The following KDM3B variants were observed in gnomAD, a reference collection of about 807,000 sequenced individuals.
KDM3B encodes lysine demethylase 3B, also known as lysine-specific demethylase 3B.
A neutral mutation model predicts 170.0 loss-of-function variants in KDM3B; 10 were observed. The observed-to-expected ratio is 0.06, with a 90% CI of 0.04 to 0.10. KDM3B has a LOEUF of 0.10. KDM3B is among the 10% of genes least tolerant of loss of function. The pLI is 1.00. For synonymous variants in KDM3B, 831 were observed against 834.8 expected (o/e 1.00, Z 0.08); for missense variants, 1,394 against 2,195.2 (o/e 0.64, Z 7.29).
At chr5:138,426,158 A>T (rs1226267365) in intron 17 of KDM3B, among the ~76,000 whole-genome samples, 1 of 152,100 alleles carries the variant, frequency 6.6e-6, no homozygotes, top group Non-Finnish European at 1.5e-5. Context: ...GAGCACTTTC[A>T]CTCTGAGGAA....
chr5:138,376,834 G>A (rs1762012029), intron 3 of KDM3B, among the ~76,000 whole-genome samples: 1 of 152,092 alleles, frequency 6.6e-6, no homozygotes, highest in African/African-American at 2.4e-5. Context: ...GCAGCATGAA[G>A]TATCATAGTT....
intron 14 of KDM3B, among the ~76,000 whole-genome samples, chr5:138,420,289 T>TG (rs1329668089): frequency 3.9e-5 from 6 of 152,192 alleles, no homozygotes; most frequent in Admixed American, 3.9e-4. Context: ...AAGAATCATC[T>TG]GGGGAATGGT....
intron 11 of KDM3B, among the ~76,000 whole-genome samples, chr5:138,410,139 C>T (rs575174522): frequency 3.3e-5 from 5 of 152,184 alleles, no homozygotes; most frequent in South Asian, 4.1e-4. Context: ...AATACTAAGA[C>T]GTCACTTCTT....
intron 14 of KDM3B, among the ~76,000 whole-genome samples, chr5:138,420,349 CT>C (rs1253019149): frequency 6.6e-6 from 1 of 152,206 alleles, no homozygotes; most frequent in Non-Finnish European, 1.5e-5. Context: ...ATCAGAATCT[CT>C]GGGGGTAAAG....
intron 11 of KDM3B, among the ~76,000 whole-genome samples, chr5:138,401,993 A>G (rs191190130): frequency 6.6e-6 from 1 of 151,922 alleles, no homozygotes; most frequent in African/African-American, 2.4e-5. Flanking sequence ...CAGTGGCATC[A>G]TCATGGCTCA....
chr5:138,365,042 C>G (rs1199992307), intron 1 of KDM3B, among the ~76,000 whole-genome samples: 2 of 152,204 alleles, frequency 1.3e-5, no homozygotes, highest in Non-Finnish European at 2.9e-5. Flanking sequence ...TCAACTCATG[C>G]ATCTTCGCCC....
chr5:138,357,821 C>A (rs1031421377), intron 1 of KDM3B, among the ~76,000 whole-genome samples: 1 of 147,174 alleles, frequency 6.8e-6, no homozygotes, highest in Non-Finnish European at 1.5e-5. Flanking sequence ...CTAGGTTCAA[C>A]CAATTCTTCT....
chr5:138,391,903 G>A lies in KDM3B; in HGVS notation c.2271G>A (p.Gln757=). 6 of 1,613,644 alleles carry A rather than the reference G, an allele frequency of 3.7e-6. No homozygotes were observed. The highest frequency in any genetic ancestry group is 5.1e-6 in the Non-Finnish European group (6 of 1,179,608). The change falls in exon 8 of 24, where the codon CAG becomes CAA. Residue 757 remains glutamine, a synonymous_variant. Coordinates refer to ENST00000314358, the MANE Select transcript of KDM3B (RefSeq NM_016604.4). The surrounding 1 kb of genome is among the most constrained non-coding windows in gnomAD (Gnocchi z 5.0). ...GGCCAACTGTGGGGCCTGGGCAGCA[G>A]GACAATCCCCTCCTCAAAACCTTTA... The part of the protein sequence containing the change: ...EERPTVGPGQ[Q]DNPLLKTFSN...
chr5:138,428,602 G>T (rs1383407126), intron 20 of KDM3B, among the ~76,000 whole-genome samples: 1 of 152,142 alleles, frequency 6.6e-6, no homozygotes, highest in Non-Finnish European at 1.5e-5. Context: ...GCTAGATAAA[G>T]GGGGAGGTTC....
At chr5:138,414,177 T>G (rs576432260) in intron 11 of KDM3B, among the ~76,000 whole-genome samples, 30 of 152,224 alleles carry the variant, frequency 2.0e-4, no homozygotes, top group African/African-American at 5.1e-4. Flanking sequence ...TATTATTATT[T>G]TTTTTTGAGA....
In KDM3B at chr5:138,352,872, C is replaced by A. The variant is rs1761361834; in HGVS notation, c.77C>A (p.Ala26Asp). 2 of 1,377,880 alleles carry A rather than the reference C, an allele frequency of 1.5e-6. No individual in the cohort carries two copies. Among genetic ancestry groups the A allele is most frequent in the African/African-American group, 3.0e-5 (2 of 65,920 alleles). 85.4% of individuals were successfully genotyped at this position (1,377,880 alleles called of 1,614,324 possible). A position where few individuals can be genotyped will look rare whatever the true frequency, so the allele number is the denominator to read the frequency against. The change falls in exon 1 of 24, where the codon GCC becomes GAC. Residue 26 changes from alanine to aspartate, a missense_variant. Coordinates refer to ENST00000314358, the MANE Select transcript of KDM3B (RefSeq NM_016604.4). ...LFADTAASAS[A>D]SAPAAAAASG... Reference sequence around the variant, plus strand: ...GCGGACACTGCGGCCTCAGCCTCGGCCTCGGCTCCCGCGGCGGCAGCGGCG... The same window carrying A: ...GCGGACACTGCGGCCTCAGCCTCGGACTCGGCTCCCGCGGCGGCAGCGGCG...
At chr5:138,432,642 C>G (rs2127009798) in intron 23 of KDM3B, among the ~76,000 whole-genome samples, 1 of 152,188 alleles carries the variant, frequency 6.6e-6, no homozygotes, top group African/African-American at 2.4e-5. Context: ...GCACTCCAGC[C>G]TGGGCGACAG....
At chr5:138,427,868 C>G in intron 19 of KDM3B, 99 bp from the exon 20 acceptor site, 1 of 1,095,794 alleles carries the variant, frequency 9.1e-7, no homozygotes, top group South Asian at 1.5e-5. Context: ...TAATTTTACT[C>G]ATTTAACAAC....
At chr5:138,417,810 C>T (rs972343074) in intron 13 of KDM3B, 200 bp downstream of exon 13, 1 of 519,878 alleles carries the variant, frequency 1.9e-6, no homozygotes. Flanking sequence ...TTCTCTTCAT[C>T]TTTAAACCAG....
intron 11 of KDM3B, among the ~76,000 whole-genome samples, chr5:138,403,830 CAA>C (rs370451547): frequency 1.3e-4 from 16 of 124,950 alleles, no homozygotes; most frequent in South Asian, 2.6e-4. Context: ...CCATCTCAAC[CAA>C]AAAAAAAAAA....
At chr5:138,420,248 T>C (rs1442928859) in intron 14 of KDM3B, among the ~76,000 whole-genome samples, 2 of 152,170 alleles carry the variant, frequency 1.3e-5, no homozygotes, top group Admixed American at 1.3e-4. Context: ...GGTTGAGAGC[T>C]AGACTTAGAG....
chr5:138,387,494 A>G lies in KDM3B; in HGVS notation c.1380+873A>G, dbSNP rs552714146. Among the ~76,000 whole-genome samples the G allele has an allele frequency of 2.6e-5, 4 of 152,326 alleles. No homozygotes were observed. In the South Asian group the frequency reaches 8.3e-4, roughly 32 times the overall value. On this transcript the variant is annotated intron_variant, in intron 7 of 23. Transcript: ENST00000314358. Reference sequence around the variant, plus strand: ...TTATATATAAGGAATTGAAACTCCTATTTGAAGGAGCTCACATCCTAAAAC... The same window carrying G: ...TTATATATAAGGAATTGAAACTCCTGTTTGAAGGAGCTCACATCCTAAAAC...
chr5:138,400,502 C>CT (rs1762656571), intron 11 of KDM3B, among the ~76,000 whole-genome samples: 1 of 151,826 alleles, frequency 6.6e-6, no homozygotes. Context: ...AATTCCAGGA[C>CT]TTTGAGAGGA....
chr5:138,380,513 A>G (rs1762101054), intron 5 of KDM3B, among the ~76,000 whole-genome samples: 1 of 152,026 alleles, frequency 6.6e-6, no homozygotes, highest in Admixed American at 6.6e-5. Flanking sequence ...TTTAAAATAG[A>G]TGCGTTCTTT....
Sources: allele counts gnomAD v4.1 joint callset (sites outside exome capture counted in the v4.1 genomes callset), GRCh38; gene constraint gnomAD v4.1.1; non-coding constraint Gnocchi (gnomAD v3.1); transcripts MANE v1.5; gene names NCBI Gene and HGNC (gene_info 2026-07-23, HGNC 2026-07-21).